CTTNBP2: variants seen among roughly 807,000 people sequenced by gnomAD.
CTTNBP2 encodes cortactin binding protein 2, also known as cortactin-binding protein 2.
In CTTNBP2, 108 loss-of-function variants were observed where a neutral mutation model predicts 156.9. That is an observed-to-expected ratio of 0.69 (90% CI 0.59 to 0.81). The LOEUF (loss-of-function observed/expected upper bound fraction) is 0.81. Among genes scored for constraint, CTTNBP2 ranks in the 30% least tolerant of loss-of-function variants. The pLI is 0.00. For synonymous variants in CTTNBP2, 767 were observed against 751.8 expected (o/e 1.02, Z -0.33); for missense variants, 1,924 against 2,035.4 (o/e 0.95, Z 1.05).
intron 2 of CTTNBP2, among the ~76,000 whole-genome samples, chr7:117,817,357 A>ATAT (rs1282725521): frequency 4.5e-4 from 15 of 32,972 alleles, no homozygotes; most frequent in African/African-American, 1.4e-3. Flanking sequence ...AAAAAAAAAA[A>ATAT]AAAAATATAT....
intron 9 of CTTNBP2, among the ~76,000 whole-genome samples, chr7:117,763,946 C>T (rs1487028473): frequency 6.6e-6 from 1 of 151,968 alleles, no homozygotes; most frequent in African/African-American, 2.4e-5. Context: ...AAAATATTTT[C>T]TGCCCTAAAA....
intron 14 of CTTNBP2, among the ~76,000 whole-genome samples, chr7:117,745,541 G>C (rs980292446): frequency 6.6e-6 from 1 of 152,038 alleles, no homozygotes; most frequent in African/African-American, 2.4e-5. Context: ...GTCCAGCTAG[G>C]GTGAACTGCT....
chr7:117,717,180 G>GA (rs1794448536), intron 22 of CTTNBP2, among the ~76,000 whole-genome samples: 1 of 152,186 alleles, frequency 6.6e-6, no homozygotes, highest in African/African-American at 2.4e-5. Flanking sequence ...ATGGTGCAGT[G>GA]CTGTAGTCAT....
chr7:117,853,093 C>T (rs1022465248), intron 2 of CTTNBP2, among the ~76,000 whole-genome samples: 1 of 152,174 alleles, frequency 6.6e-6, no homozygotes, highest in Non-Finnish European at 1.5e-5. Flanking sequence ...TCATCTCCAT[C>T]CCCTGTTCAA....
chr7:117,814,169 T>C (rs1013063137), intron 2 of CTTNBP2, among the ~76,000 whole-genome samples: 1 of 152,116 alleles, frequency 6.6e-6, no homozygotes, highest in African/African-American at 2.4e-5. Flanking sequence ...TTTTGTATAA[T>C]ATGAGAGGTA....
intron 2 of CTTNBP2, among the ~76,000 whole-genome samples, chr7:117,844,050 A>G (rs1161957293): frequency 1.3e-5 from 1 of 78,032 alleles, no homozygotes; most frequent in Non-Finnish European, 2.4e-5. Flanking sequence ...AGCAGAAACG[A>G]AGAGAGAGAG....
intron 22 of CTTNBP2, among the ~76,000 whole-genome samples, chr7:117,717,087 A>T (rs1283350300): frequency 6.6e-6 from 1 of 151,904 alleles, no homozygotes; most frequent in Non-Finnish European, 1.5e-5. Context: ...CTCACAACTA[A>T]TGAGTGAGAC....
At chr7:117,860,304 T>C (rs2117241684) in intron 2 of CTTNBP2, among the ~76,000 whole-genome samples, 1 of 152,102 alleles carries the variant, frequency 6.6e-6, no homozygotes, top group East Asian at 1.9e-4. Context: ...AATTGGAAAA[T>C]TGGTGATTAG....
chr7:117,822,746 G>C, intron 2 of CTTNBP2, among the ~76,000 whole-genome samples: 1 of 152,174 alleles, frequency 6.6e-6, no homozygotes, highest in Admixed American at 6.5e-5. Flanking sequence ...ATTAAGACTT[G>C]TTTTATGGCC....
At chr7:117,755,528 G>C (rs1245944982) in intron 12 of CTTNBP2, 2 of 470,226 alleles carry the variant, frequency 4.3e-6, no homozygotes, top group Non-Finnish European at 8.8e-6. Flanking sequence ...TCACTTGCTA[G>C]ATGCATGACT....
At chr7:117,723,609 C>A (rs1794923076) in intron 19 of CTTNBP2, among the ~76,000 whole-genome samples, 1 of 152,016 alleles carries the variant, frequency 6.6e-6, no homozygotes, top group Non-Finnish European at 1.5e-5. Flanking sequence ...TTATCAATGC[C>A]AAAAGGAATA....
At chr7:117,716,774 C>G (rs547481465) in intron 22 of CTTNBP2, among the ~76,000 whole-genome samples, 1 of 152,302 alleles carries the variant, frequency 6.6e-6, no homozygotes, top group Non-Finnish European at 1.5e-5. Context: ...AATTCCCACT[C>G]CCATACCTGC....
chr7:117,827,765 G>A (rs534253545), intron 2 of CTTNBP2, among the ~76,000 whole-genome samples: 49 of 152,296 alleles, frequency 3.2e-4, no homozygotes, highest in Non-Finnish European at 3.4e-4. Flanking sequence ...CAGAAATAAA[G>A]GTAGTTTCTT....
At chr7:117,849,996 T>A (rs1802834638) in intron 2 of CTTNBP2, among the ~76,000 whole-genome samples, 1 of 152,196 alleles carries the variant, frequency 6.6e-6, no homozygotes, top group Admixed American at 6.5e-5. Flanking sequence ...CAACAGTACC[T>A]ACTTCCAGGG....
At position 117,791,135 on chromosome 7, in the gene CTTNBP2, T is replaced by A. The variant is rs1230176458; in HGVS notation, c.2061A>T (p.Thr687=). ...ACATTTCAATCCCTTTACCTGATGC[T>A]GTTACCAGGAGGCTGTCTGAGGCAC... ...RPGASDSLLV[T]ASGWSPSLTP... is the part of the protein sequence containing the mutation. Residue 687 remains threonine (T), a synonymous_variant, in exon 4 of 23, where the codon ACA becomes ACT. Transcript: ENST00000160373. The A allele has an allele frequency of 6.2e-7, 1 of 1,612,818 alleles. No homozygotes were observed. Among genetic ancestry groups the A allele is most frequent in the Non-Finnish European group, 8.5e-7 (1 of 1,179,034 alleles).
intron 9 of CTTNBP2, among the ~76,000 whole-genome samples, chr7:117,761,387 C>T (rs1797209094): frequency 6.6e-6 from 1 of 152,180 alleles, no homozygotes; most frequent in Non-Finnish European, 1.5e-5. Context: ...CCAATTTCTC[C>T]GACTGAGGCT....
chr7:117,760,570 C>T lies in CTTNBP2; in HGVS notation c.3037G>A (p.Val1013Met). 1 of 1,614,160 alleles carries T rather than the reference C, an allele frequency of 6.2e-7. No homozygotes were observed. Among genetic ancestry groups the T allele is most frequent in the Non-Finnish European group, 8.5e-7 (1 of 1,180,008 alleles). Residue 1013 changes from valine (V) to methionine (M), a missense_variant, in exon 10 of 23, where the codon GTG becomes ATG. Val to Met is a conservative substitution (Grantham distance 21). Coordinates refer to ENST00000160373, the MANE Select transcript of CTTNBP2 (RefSeq NM_033427.3). ...QTSWDDFSKA[V>M]SQALTNHFQA... ...AAATGATTTGTCAGAGCTTGACTCA[C>T]TGCTTTTGAAAAATCATCCCATGAT...
intron 3 of CTTNBP2, among the ~76,000 whole-genome samples, chr7:117,805,150 G>C (rs1799854854): frequency 6.6e-6 from 1 of 151,964 alleles, no homozygotes; most frequent in African/African-American, 2.4e-5. Flanking sequence ...TATCATATAG[G>C]CATTTTTTCC....
intron 4 of CTTNBP2, 95 bp downstream of exon 4, chr7:117,791,032 TA>T: frequency 4.4e-4 from 459 of 1,039,208 alleles, no homozygotes; most frequent in Non-Finnish European, 5.3e-4. Context: ...GCATCAAATT[TA>T]AAAAAAAAGT....
Sources: allele counts gnomAD v4.1 joint callset (sites outside exome capture counted in the v4.1 genomes callset), GRCh38; gene constraint gnomAD v4.1.1; transcripts MANE v1.5; gene names NCBI Gene and HGNC (gene_info 2026-07-23, HGNC 2026-07-21).